POLK: variants seen among roughly 807,000 people sequenced by gnomAD.
POLK encodes polymerase (DNA directed) kappa.
Under a neutral mutation model 94.0 loss-of-function variants are expected in POLK, and 76 were observed. That is an observed-to-expected ratio of 0.81 (90% CI 0.67 to 0.98). POLK has a LOEUF of 0.98. POLK is among the 50% of genes least tolerant of loss of function. The pLI, the probability that POLK is intolerant of heterozygous loss-of-function variation, is 0.00. For synonymous variants in POLK, 349 were observed against 325.4 expected (o/e 1.07, Z -0.78); for missense variants, 954 against 1,010.1 (o/e 0.94, Z 0.75).
chr5:75,551,900 A>C (rs775871389), intron 2 of POLK, among the ~76,000 whole-genome samples: 2 of 152,232 alleles, frequency 1.3e-5, no homozygotes, highest in Non-Finnish European at 2.9e-5. Flanking sequence ...ATATGTCCAC[A>C]TGAAAACTTG....
At chr5:75,547,353 A>G (rs1301076921) in intron 2 of POLK, among the ~76,000 whole-genome samples, 196 bp downstream of exon 2, 1 of 152,056 alleles carries the variant, frequency 6.6e-6, no homozygotes, top group Non-Finnish European at 1.5e-5. Context: ...TTTCACATGC[A>G]TATAATAGGC....
At chr5:75,533,639 A>C (rs771830174) in intron 1 of POLK, among the ~76,000 whole-genome samples, 2 of 152,146 alleles carry the variant, frequency 1.3e-5, no homozygotes, top group Non-Finnish European at 2.9e-5. Context: ...TGTCCTTTGT[A>C]GTTTGATGGA....
chr5:75,584,313 C>G (rs2112834173), intron 8 of POLK, among the ~76,000 whole-genome samples: 1 of 152,192 alleles, frequency 6.6e-6, no homozygotes, highest in South Asian at 2.1e-4. Flanking sequence ...CCATGAAACG[C>G]TAGTTTAGTA....
At chr5:75,511,356 C>G, upstream of POLK, 1 of 1,541,962 alleles carries the variant, frequency 6.5e-7, no homozygotes, top group South Asian at 1.2e-5. Context: ...GGACGAAGTC[C>G]GCCCGCCGCG....
At position 75,511,817 on chromosome 5, in the gene POLK, G is replaced by A. The variant is rs1221172504; in HGVS notation, c.-111G>A. On this transcript the variant is annotated 5_prime_UTR_variant, in exon 1 of 15. Coordinates refer to ENST00000241436, the Ensembl canonical transcript of POLK. ...GCAGGAGGAGCGGAGAAAGGAGAGG[G>A]CGGGGTAGGGATGCAGCTGTGCTGC... The A allele has an allele frequency of 6.4e-6, 10 of 1,551,468 alleles. 1 individual carries two copies. The South Asian group carries it at 1.2e-4, about 18-fold the overall frequency.
chr5:75,595,655 C>T lies in POLK; in HGVS notation c.1529-567C>T, dbSNP rs547810609. ...GATTCCGTATGATTCTATAATGACA[C>T]GTCATTATAAATTTGTCCAGCGCCC... On this transcript the variant is annotated intron_variant, in intron 12 of 14. Transcript: ENST00000241436. Among the ~76,000 whole-genome samples the T allele has an allele frequency of 3.3e-5, 5 of 152,242 alleles. No individual in the cohort carries two copies. In the East Asian group the frequency reaches 9.6e-4, roughly 29 times the overall value.
intron 3 of POLK, among the ~76,000 whole-genome samples, chr5:75,568,463 A>C (rs1428284058): frequency 1.3e-5 from 2 of 152,164 alleles, no homozygotes; most frequent in Admixed American, 1.3e-4. Flanking sequence ...GTTAGAAATG[A>C]GTATGTCTGC....
At chr5:75,538,184 A>G (rs368645710) in intron 1 of POLK, among the ~76,000 whole-genome samples, 1 of 152,186 alleles carries the variant, frequency 6.6e-6, no homozygotes, top group African/African-American at 2.4e-5. Flanking sequence ...TGTACTTTGT[A>G]GTATAGAAAT....
At chr5:75,604,745 G>A (rs1043947275), downstream of POLK, among the ~76,000 whole-genome samples, 2 of 152,172 alleles carry the variant, frequency 1.3e-5, no homozygotes, top group African/African-American at 2.4e-5. Context: ...AACACACTTT[G>A]TGTTGGTAGG....
intron 4 of POLK, among the ~76,000 whole-genome samples, chr5:75,571,964 A>G (rs1312829543): frequency 6.6e-6 from 1 of 152,234 alleles, no homozygotes; most frequent in Non-Finnish European, 1.5e-5. Context: ...TTTCTGTTCC[A>G]GAACACTGAC....
exon 15 of POLK, chr5:75,599,842 T>C (rs896732511): frequency 2.0e-5 from 3 of 152,168 alleles, no homozygotes; most frequent in African/African-American, 4.8e-5. Context: ...TTTCTACTTT[T>C]CCACTCTTCC....
intron 12 of POLK, among the ~76,000 whole-genome samples, chr5:75,594,409 T>C (rs1324887299): frequency 6.6e-6 from 1 of 152,220 alleles, no homozygotes; most frequent in Non-Finnish European, 1.5e-5. Flanking sequence ...TTGTCTTAGT[T>C]ATTAGACCCT....
At chr5:75,513,391 T>C (rs552488205) in intron 1 of POLK, among the ~76,000 whole-genome samples, 16 of 152,224 alleles carry the variant, frequency 1.1e-4, no homozygotes, top group Non-Finnish European at 2.2e-4. Context: ...CAAAGACAGC[T>C]GTATTTTTGG....
intron 1 of POLK, among the ~76,000 whole-genome samples, chr5:75,537,745 A>G (rs1028647892): frequency 6.6e-6 from 1 of 152,216 alleles, no homozygotes; most frequent in African/African-American, 2.4e-5. Context: ...TATTATTGAA[A>G]GTATTTTAGT....
At chr5:75,580,693 C>A (rs1772148343) in intron 6 of POLK, 1 of 189,462 alleles carries the variant, frequency 5.3e-6, no homozygotes, top group Non-Finnish European at 9.8e-6. Context: ...GAAGAAAATT[C>A]AGATTATTTT....
intron 1 of POLK, among the ~76,000 whole-genome samples, chr5:75,517,545 G>A (rs1198658934): frequency 6.6e-6 from 1 of 152,178 alleles, no homozygotes; most frequent in Non-Finnish European, 1.5e-5. Context: ...TTTTGGTGGA[G>A]TCTTTAGGGG....
At chr5:75,583,384 G>A in exon 8 of POLK, 1 of 1,604,322 alleles carries the variant, frequency 6.2e-7, no homozygotes, top group Non-Finnish European at 8.5e-7. Context: ...GACAAGCTGT[G>A]ATGGACTTCA....
At chr5:75,609,537 T>C in the POLK span, 1 of 152,226 alleles carries the variant, frequency 6.6e-6, no homozygotes. Flanking sequence ...TTATTCCTTC[T>C]TTTGTGTGGG....
At chr5:75,592,348 C>T (rs1772833602) in intron 11 of POLK, among the ~76,000 whole-genome samples, 1 of 152,186 alleles carries the variant, frequency 6.6e-6, no homozygotes, top group Non-Finnish European at 1.5e-5. Flanking sequence ...AATTAATCAA[C>T]CTCCAAAAGA....
Sources: gnomAD v4.1 joint callset for allele counts (sites outside exome capture counted in the v4.1 genomes callset) on GRCh38, gnomAD v4.1.1 for gene constraint, MANE v1.5 for transcripts, NCBI Gene and HGNC (gene_info 2026-07-23, HGNC 2026-07-21) for gene names.